Variants in DNAH1 observed in about 807,000 individuals in gnomAD.
The protein encoded by DNAH1 is axonemal beta dynein heavy chain 1.
DNAH1 carries 327 observed loss-of-function variants against 484.3 expected under a neutral mutation model. That is an observed-to-expected ratio of 0.68 (90% CI 0.62 to 0.74). The LOEUF (loss-of-function observed/expected upper bound fraction) is 0.74, where lower values mean the gene tolerates loss of function less well. DNAH1 is among the 30% of genes least tolerant of loss of function. The pLI, the probability that DNAH1 is intolerant of heterozygous loss-of-function variation, is 0.00. For synonymous variants in DNAH1, 2,192 were observed against 2,191.9 expected, an observed-to-expected ratio of 1.00 and a Z score of 0.00; for missense variants, 5,052 against 5,546.8, an observed-to-expected ratio of 0.91 and a Z score of 2.83.
chr3:52,327,085 C>T (rs1294370064), intron 5 of DNAH1, among the ~76,000 whole-genome samples, 194 bp downstream of exon 5: 3 of 151,076 alleles, frequency 2.0e-5, no homozygotes, highest in African/African-American at 4.9e-5. Context: ...GGGCCCCCAG[C>T]CCCCCTAGAA....
At chr3:52,375,662 T>A (rs779716596) in intron 45 of DNAH1, among the ~76,000 whole-genome samples, 27 of 152,362 alleles carry the variant, frequency 1.8e-4, no homozygotes, top group South Asian at 1.7e-3. Flanking sequence ...GCACCTAGCA[T>A]GAAGCCTGGC....
rs757803860 is a variant in DNAH1 at position 52,355,069 on chromosome 3, C to T, written c.3693+14C>T. 5.6e-6 allele frequency: 9 copies of T among 1,611,386 alleles called. No individual in the cohort carries two copies. Among genetic ancestry groups the T allele is most frequent in the Non-Finnish European group, 6.8e-6 (8 of 1,179,368 alleles). ...AAGCTGACCCAGGTCGGCCCTCCCCCCAGTCCTTCCCTCATCGCTCCCCCA... is the reference window on the plus strand; with the variant it reads ...AAGCTGACCCAGGTCGGCCCTCCCCTCAGTCCTTCCCTCATCGCTCCCCCA... On this transcript the variant is annotated intron_variant, in intron 21 of 77. Coordinates refer to ENST00000420323, the MANE Select transcript of DNAH1 (RefSeq NM_015512.5). This position sits in a 1 kb window ranked among gnomAD's most constrained non-coding sequence, Gnocchi z 4.5.
upstream of DNAH1, among the ~76,000 whole-genome samples, chr3:52,311,549 G>A (rs969438118): frequency 6.6e-6 from 1 of 152,124 alleles, no homozygotes; most frequent in Non-Finnish European, 1.5e-5. Context: ...TGCCAGCAAA[G>A]CCCAGCCTTT....
intron 44 of DNAH1, among the ~76,000 whole-genome samples, chr3:52,373,325 C>T (rs1161715580): frequency 7.5e-6 from 1 of 132,882 alleles, no homozygotes; most frequent in African/African-American, 2.9e-5. Context: ...CGCGGGGGCG[C>T]GACGGCGGGG....
Position 52,381,689 on chromosome 3 carries a change from C to A in DNAH1, c.7658C>A (p.Thr2553Lys), listed in dbSNP as rs1337541564. The change falls in exon 49 of 78, where the codon ACG becomes AAG. Residue 2553 changes from threonine (T) to lysine (K), a missense_variant. Physicochemically the swap from Thr to Lys is moderately conservative, Grantham distance 78 (BLOSUM62 -1). This residue lies in a region of DNAH1 where 2,929 missense variants were observed against 3,409.4 expected (regional missense o/e 0.86). Transcript: ENST00000420323. This position sits in a 1 kb window ranked among gnomAD's most constrained non-coding sequence, Gnocchi z 4.1. ...ATAGAGGACTACAACCAGATCAACA[C>A]GGCCAAGCTGAAGCTGGTCCTCTTC... Reference protein sequence around the residue: ...EYIEDYNQINTAKLKLVLFMD... With the variant: ...EYIEDYNQINKAKLKLVLFMD... 5.0e-6 allele frequency: 8 copies of A among 1,608,568 alleles called. No individual in the cohort carries two copies. The South Asian group carries it at 7.8e-5, about 16-fold the overall frequency.
In DNAH1 at chr3:52,327,966, C is replaced by T. The variant is rs1351537541; in HGVS notation, c.823C>T (p.Pro275Ser). 1 of 1,613,972 alleles carries T rather than the reference C, an allele frequency of 6.2e-7. No homozygotes were observed. The highest frequency in any genetic ancestry group is 1.3e-5 in the African/African-American group (1 of 75,052). ...GGAGCCAGGGTCTCTGGACAGGAAA[C>T]CTGTCCCGGGAAAAGCCCTCTTGCC... is the stretch of plus-strand genomic sequence containing the variant. ...GLEPGSLDRK[P>S]VPGKALLPTD... Residue 275 changes from proline to serine, a missense_variant, in exon 6 of 78, where the codon CCT becomes TCT. Pro to Ser is a moderately conservative substitution (Grantham distance 74). Transcript: ENST00000420323.
At position 52,359,041 on chromosome 3, in the gene DNAH1, C is replaced by T. The variant is rs143758639; in HGVS notation, c.4267-205C>T. On this transcript the variant is annotated intron_variant, in intron 25 of 77. Transcript: ENST00000420323. ...CGGCAGCTGGGCTCTAGGTGACTCCCCAGCCTGCAGAGTCAGTTCAGAGAT... is the reference window on the plus strand; with the variant it reads ...CGGCAGCTGGGCTCTAGGTGACTCCTCAGCCTGCAGAGTCAGTTCAGAGAT... Among the ~76,000 whole-genome samples, 363 of 152,298 alleles carry T rather than the reference C, an allele frequency of 2.4e-3. 1 individual carries two copies. The highest frequency in any genetic ancestry group is 0.015 in the South Asian group (70 of 4,826).
intron 18 of DNAH1, 33 bp downstream of exon 18, chr3:52,352,740 C>T: frequency 6.3e-7 from 1 of 1,594,150 alleles, no homozygotes; most frequent in Non-Finnish European, 8.6e-7. Context: ...GCCCCCATGC[C>T]CCCAGGCTTG....
At chr3:52,347,770 C>T in intron 11 of DNAH1, 54 bp from the exon 12 acceptor site, 5 of 1,494,116 alleles carry the variant, frequency 3.3e-6, no homozygotes, top group Non-Finnish European at 3.6e-6. Flanking sequence ...AGGGCTGCTC[C>T]TGCACACAGG....
Position 52,381,243 on chromosome 3 carries a change from G to A in DNAH1, c.7609-397G>A, listed in dbSNP as rs569923619. Among the ~76,000 whole-genome samples the A allele has an allele frequency of 1.0e-3, 157 of 152,222 alleles. No homozygotes were observed. The highest frequency in any genetic ancestry group is 2.0e-3 in the Non-Finnish European group (136 of 68,014). ...AGCGTCCTGAGTAGCTGGGACCACA[G>A]GCACGCACCACCACGCCCAGCTAAT... is the stretch of plus-strand genomic sequence containing the variant. On this transcript the variant is annotated intron_variant, in intron 48 of 77. Transcript: ENST00000420323. The surrounding 1 kb of genome is among the most constrained non-coding windows in gnomAD (Gnocchi z 4.1).
Position 52,383,965 on chromosome 3 carries a change from T to G in DNAH1, c.8256T>G (p.Ser2752=). 1.2e-6 allele frequency: 2 copies of G among 1,612,184 alleles called. No individual in the cohort carries two copies. Among genetic ancestry groups the G allele is most frequent in the Non-Finnish European group, 1.7e-6 (2 of 1,179,076 alleles). ...FNEWPAEALK[S]VATVFLNEIP... is the part of the protein sequence containing the mutation. ...AGTGGCCGGCAGAAGCCCTGAAGTC[T>G]GTGGCCACCGTGTTCCTCAATGAGA... The change falls in exon 52 of 78, where the codon TCT becomes TCG. Residue 2752 remains serine (S), a synonymous_variant. Coordinates refer to ENST00000420323, the MANE Select transcript of DNAH1 (RefSeq NM_015512.5).
intron 63 of DNAH1, among the ~76,000 whole-genome samples, chr3:52,392,037 G>A (rs981192335): frequency 3.9e-5 from 6 of 152,204 alleles, no homozygotes; most frequent in Non-Finnish European, 4.4e-5. Flanking sequence ...GGTTTTCGCT[G>A]GCCATCCATA....
intron 76 of DNAH1, 29 bp downstream of exon 76, chr3:52,399,230 T>C: frequency 6.3e-7 from 1 of 1,575,304 alleles, no homozygotes; most frequent in Non-Finnish European, 8.6e-7. Flanking sequence ...CCAGGTCAGG[T>C]GACAGGCTAG....
In DNAH1 at chr3:52,341,504, G is replaced by A. The variant is rs1338758338; in HGVS notation, c.1287-2986G>A. On this transcript the variant is annotated intron_variant, in intron 8 of 77. Transcript: ENST00000420323. ...CACCACCGTATTTGTCCTGGAGGGAGCCAGAACAAGAGGGCTTGACTTTGA... is the reference window on the plus strand; with the variant it reads ...CACCACCGTATTTGTCCTGGAGGGAACCAGAACAAGAGGGCTTGACTTTGA... 2.0e-5 allele frequency among the ~76,000 whole-genome samples: 3 copies of A among 150,662 alleles called. No homozygotes were observed. In the East Asian group the frequency reaches 5.8e-4, roughly 29 times the overall value.
rs200463119 is a variant in DNAH1, at chr3:52,352,048, G to A, written c.2816G>A (p.Arg939His). 705 of 1,590,712 alleles carry A rather than the reference G, an allele frequency of 4.4e-4. No homozygotes were observed. The highest frequency in any genetic ancestry group is 5.8e-4 in the Non-Finnish European group (675 of 1,168,846). ...QQHVEDEEKF[R>H]KIQIMDQNNF... is the part of the protein sequence containing the mutation. ...CATGTGGAGGATGAGGAGAAGTTCC[G>A]CAAAATCCAGATCATGGATCAGAAC... The change falls in exon 17 of 78, where the codon CGC becomes CAC. Residue 939 changes from arginine to histidine, a missense_variant. This residue lies in a region of DNAH1 where 1,263 missense variants were observed against 1,218.8 expected (regional missense o/e 1.04). Coordinates refer to ENST00000420323, the MANE Select transcript of DNAH1 (RefSeq NM_015512.5).
At position 52,326,878 on chromosome 3, in the gene DNAH1, A is replaced by G; in HGVS notation, c.725A>G (p.Tyr242Cys). The G allele has an allele frequency of 1.2e-6, 2 of 1,610,802 alleles. No individual in the cohort carries two copies. Among genetic ancestry groups the G allele is most frequent in the Non-Finnish European group, 1.7e-6 (2 of 1,178,628 alleles). The change falls in exon 5 of 78, where the codon TAC (tyrosine) becomes TGC (cysteine). Residue 242 changes from tyrosine (Y) to cysteine (C), a missense_variant. Transcript: ENST00000420323. Reference sequence around the variant, plus strand: ...GGCCATGACCCAATCTTCCCCATCTACCTCCCACTGAAGGTGAGCCGGGCT... The same window carrying G: ...GGCCATGACCCAATCTTCCCCATCTGCCTCCCACTGAAGGTGAGCCGGGCT... ...EQGHDPIFPI[Y>C]LPLKVFDNED... is the part of the protein sequence containing the mutation.
rs1229959565 is a variant in DNAH1, at chr3:52,392,642, C to T, written c.10231C>T (p.Leu3411Phe). 6.2e-7 allele frequency: 1 copy of T among 1,611,862 alleles called. No homozygotes were observed. The highest frequency in any genetic ancestry group is 8.5e-7 in the Non-Finnish European group (1 of 1,178,992). The change falls in exon 64 of 78, where the codon CTC (leucine) becomes TTC (phenylalanine). Residue 3411 changes from leucine to phenylalanine, a missense_variant. Leu to Phe is a conservative substitution (Grantham distance 22, BLOSUM62 0). Transcript: ENST00000420323. ...SEGNPVDDME[L>F]IKVLEASKMK... ...GGGCAACCCTGTAGATGACATGGAA[C>T]TCATCAAGGTGCTGGAAGCCTCCAA...
Position 52,364,667 on chromosome 3 carries a change from G to A in DNAH1, c.5274G>A (p.Val1758=). The change falls in exon 33 of 78, where the codon GTG becomes GTA. Residue 1758 remains valine (V), a synonymous_variant. Coordinates refer to ENST00000420323, the MANE Select transcript of DNAH1 (RefSeq NM_015512.5). This position sits in a 1 kb window ranked among gnomAD's most constrained non-coding sequence, Gnocchi z 4.2. ...ACTATGACTTCGGGATGAGAGCCGT[G>A]AAAACTGTGATCTCGGCTGCTGGGA... The part of the protein sequence containing the change: ...QDHYDFGMRA[V]KTVISAAGNL... 6.2e-7 allele frequency: 1 copy of A among 1,614,006 alleles called. No homozygotes were observed. Among genetic ancestry groups the A allele is most frequent in the Non-Finnish European group, 8.5e-7 (1 of 1,179,908 alleles).
chr3:52,352,472 G>T, intron 17 of DNAH1, 80 bp from the exon 18 acceptor site: 1 of 1,537,350 alleles, frequency 6.5e-7, no homozygotes, highest in South Asian at 1.2e-5. Flanking sequence ...TGGGACCTCT[G>T]GTTCCCTGGG....
Sources: gnomAD v4.1 joint callset for allele counts (sites outside exome capture counted in the v4.1 genomes callset) on GRCh38, gnomAD v4.1.1 for gene constraint, gnomAD v4.1.1 regional missense constraint, Gnocchi (gnomAD v3.1) non-coding constraint, MANE v1.5 for transcripts, NCBI Gene and HGNC (gene_info 2026-07-23, HGNC 2026-07-21) for gene names.